The following COL9A3 variants were observed in gnomAD, a reference collection of about 807,000 sequenced individuals.
The protein encoded by COL9A3 is collagen alpha-3(IX) chain.
COL9A3 carries 82 observed loss-of-function variants against 110.2 expected under a neutral mutation model. The observed-to-expected ratio is 0.74, with a 90% CI of 0.62 to 0.89. COL9A3 has a LOEUF of 0.89. Ranked by LOEUF, COL9A3 falls within the 40% of genes least tolerant of loss-of-function variation. The probability of loss-of-function intolerance (pLI) is 0.00; values close to 1 mark genes in which losing one functional copy is unlikely to be tolerated. For synonymous variants in COL9A3, 494 were observed against 403.8 expected (o/e 1.22, Z -2.68); for missense variants, 1,066 against 981.3 (o/e 1.09, Z -1.15).
At chr20:62,832,294 C>A in intron 25 of COL9A3, 105 bp downstream of exon 25, 1 of 1,134,392 alleles carries the variant, frequency 8.8e-7, no homozygotes, top group South Asian at 1.3e-5. Context: ...TTTCGGGACA[C>A]TGAGCCTCCT....
At position 62,840,970 on chromosome 20, in the gene COL9A3, G is replaced by T; in HGVS notation, c.*238G>T. ...TAAGCCCAGCATTTGAGAGAAGGTA[G>T]GGTGTGTATATATAAAAGGTTGTGT... On this transcript the variant is annotated 3_prime_UTR_variant, in exon 32 of 32. Transcript: ENST00000649368. 1.8e-6 allele frequency: 1 copy of T among 549,774 alleles called. No homozygotes were observed. The highest frequency in any genetic ancestry group is 3.3e-6 in the Non-Finnish European group (1 of 303,194). The allele number at this position is 549,774 out of a possible 1,614,324, so 34.1% of individuals were successfully genotyped here. A position where few individuals can be genotyped will look rare whatever the true frequency, so the allele number is the denominator to read the frequency against.
rs746142912 is a variant in COL9A3 at position 62,817,092 on chromosome 20, C to A, written c.28C>A (p.Leu10Ile). MAGPRACAP[L>I]LLLLLLGELL... ...GGCCGGGCCGCGCGCGTGCGCCCCG[C>A]TCCTGCTCCTGCTCCTGCTCGGGGA... Residue 10 changes from leucine (L) to isoleucine (I), a missense_variant, in exon 1 of 32, where the codon CTC becomes ATC. By Grantham distance (5) the Leu-to-Ile change is conservative. Transcript: ENST00000649368. 7.2e-7 allele frequency: 1 copy of A among 1,392,072 alleles called. No homozygotes were observed. Among genetic ancestry groups the A allele is most frequent in the Non-Finnish European group, 9.4e-7 (1 of 1,066,806 alleles). 86.2% of individuals were successfully genotyped at this position (1,392,072 alleles called of 1,614,324 possible).
At chr20:62,829,428 C>T (rs762526783) in intron 19 of COL9A3, 27 bp from the exon 20 acceptor site, 1 of 1,612,416 alleles carries the variant, frequency 6.2e-7, no homozygotes, top group Non-Finnish European at 8.5e-7. Context: ...TAACTGGCAG[C>T]CCTGACCGCA....
chr20:62,821,838 A>T lies in COL9A3; in HGVS notation c.423+28A>T, dbSNP rs753030974. On this transcript the variant is annotated intron_variant, in intron 8 of 31. Coordinates refer to ENST00000649368, the MANE Select transcript of COL9A3 (RefSeq NM_001853.4). Reference sequence around the variant, plus strand: ...GAGTGGCTGTCCCAGAGCCCCTCAGAGTGTGCTCACCTGTGGCCTCCACCC... The same window carrying T: ...GAGTGGCTGTCCCAGAGCCCCTCAGTGTGTGCTCACCTGTGGCCTCCACCC... 6.0e-6 allele frequency: 9 copies of T among 1,509,762 alleles called. No homozygotes were observed. The African/African-American group carries it at 1.1e-4, about 18-fold the overall frequency. 93.5% of individuals were successfully genotyped at this position (1,509,762 alleles called of 1,614,324 possible).
intron 22 of COL9A3, 36 bp from the exon 23 acceptor site, chr20:62,830,324 T>C: frequency 6.4e-7 from 1 of 1,556,784 alleles, no homozygotes; most frequent in Non-Finnish European, 8.7e-7. Flanking sequence ...CCTCGAACCC[T>C]GAGACATCCG....
chr20:62,838,902 A>ATT, intron 31 of COL9A3, 141 bp downstream of exon 31: 1 of 780,352 alleles, frequency 1.3e-6, no homozygotes, highest in East Asian at 2.7e-5. Flanking sequence ...AAGATTAGGA[A>ATT]TTGTCTCAAT....
At chr20:62,826,473 C>T (rs1395041939) in intron 14 of COL9A3, among the ~76,000 whole-genome samples, 3 of 152,174 alleles carry the variant, frequency 2.0e-5, no homozygotes, top group East Asian at 1.9e-4. Flanking sequence ...TGCCCGCACG[C>T]GGTCCCAGGC....
In COL9A3 at chr20:62,836,293, T is replaced by C; in HGVS notation, c.1508T>C (p.Val503Ala). The C allele has an allele frequency of 1.2e-6, 2 of 1,613,876 alleles. No individual in the cohort carries two copies. The highest frequency in any genetic ancestry group is 2.7e-5 in the African/African-American group (2 of 75,070). ...GPPGPLGLQG[V>A]PGVPGITGKP... ...CCCGGTCCTCTGGGCCTGCAGGGCG[T>C]CCCGGGTGTTCCTGGCATCACGGGG... The change falls in exon 28 of 32, where the codon GTC (valine) becomes GCC (alanine). Residue 503 changes from valine to alanine, a missense_variant. Physicochemically the swap from Val to Ala is moderately conservative, Grantham distance 64. Coordinates refer to ENST00000649368, the MANE Select transcript of COL9A3 (RefSeq NM_001853.4).
rs373605761 is a variant in COL9A3, at chr20:62,817,598, C to T, written c.110C>T (p.Pro37Leu). 1.0e-3 allele frequency: 1,571 copies of T among 1,547,366 alleles called. No individual in the cohort carries two copies. The highest frequency in any genetic ancestry group is 1.2e-3 in the South Asian group (103 of 83,886). Residue 37 changes from proline to leucine, a missense_variant, in exon 2 of 32, where the codon CCA becomes CTA. Coordinates refer to ENST00000649368, the MANE Select transcript of COL9A3 (RefSeq NM_001853.4). ...GGACTCCCCGGCCCCCCCGGCCCCC[C>T]AGGGCCGCCCGGGAAGCCCGGCCAG... ...RVGLPGPPGP[P>L]GPPGKPGQDG...
In COL9A3 at chr20:62,829,798, G is replaced by C. The variant is rs1228251574; in HGVS notation, c.1140G>C (p.Glu380Asp). ...GDAGMPGERG[E>D]AGHRGSAGAL... ...CTGGCATGCCTGGGGAGCGCGGTGA[G>C]GCTGGCCACCGGGGCTCAGCGGTGA... Residue 380 changes from glutamate to aspartate, a missense_variant, in exon 22 of 32, where the codon GAG becomes GAC. Glu to Asp is a conservative substitution (Grantham distance 45). Coordinates refer to ENST00000649368, the MANE Select transcript of COL9A3 (RefSeq NM_001853.4). 5.7e-6 allele frequency: 9 copies of C among 1,582,130 alleles called. No homozygotes were observed. The highest frequency in any genetic ancestry group is 7.7e-6 in the Non-Finnish European group (9 of 1,164,634).
intron 10 of COL9A3, among the ~76,000 whole-genome samples, chr20:62,823,968 G>A (rs984637849): frequency 9.2e-5 from 14 of 151,512 alleles, no homozygotes; most frequent in Admixed American, 3.9e-4. Context: ...TCACCTGTAC[G>A]GAGTGGCCTC....
At chr20:62,824,535 C>T in intron 11 of COL9A3, 34 bp downstream of exon 11, 3 of 1,561,086 alleles carry the variant, frequency 1.9e-6, no homozygotes, top group Non-Finnish European at 1.7e-6. Context: ...CAAGCACCAC[C>T]CTGTGCTGGG....
intron 14 of COL9A3, 134 bp from the exon 15 acceptor site, chr20:62,826,633 G>A (rs2147210368): frequency 1.1e-6 from 1 of 899,378 alleles, no homozygotes; most frequent in Non-Finnish European, 1.8e-6. Context: ...ACTACTAGGT[G>A]GCATCTTGGG....
intron 5 of COL9A3, 36 bp from the exon 6 acceptor site, chr20:62,821,145 C>A: frequency 6.2e-7 from 1 of 1,609,742 alleles, no homozygotes; most frequent in Non-Finnish European, 8.5e-7. Context: ...CAAATAGAGG[C>A]CCAGCCCAAC....
chr20:62,838,054 C>A (rs1415677969), intron 30 of COL9A3, among the ~76,000 whole-genome samples: 1 of 152,214 alleles, frequency 6.6e-6, no homozygotes, highest in East Asian at 1.9e-4. Context: ...GGTGGAAAAT[C>A]ATTTAAAACA....
chr20:62,838,690 A>G lies in COL9A3; in HGVS notation c.1793A>G (p.Gln598Arg), dbSNP rs201009783. 3.2e-6 allele frequency: 5 copies of G among 1,552,622 alleles called. No homozygotes were observed. The African/African-American group carries it at 6.8e-5, about 21-fold the overall frequency. Residue 598 changes from glutamine (Q) to arginine (R), a missense_variant, in exon 31 of 32, where the codon CAG becomes CGG. Transcript: ENST00000649368. ...TGTCCACACCTCGTGACAGGAAACCAGGGTGACAGAGGAGACAAAGGCGCG... is the reference window on the plus strand; with the variant it reads ...TGTCCACACCTCGTGACAGGAAACCGGGGTGACAGAGGAGACAAAGGCGCG... Reference protein sequence around the residue: ...ELGDPGPRGNQGDRGDKGAAG... With the variant: ...ELGDPGPRGNRGDRGDKGAAG...
At position 62,840,933 on chromosome 20, in the gene COL9A3, C is replaced by T; in HGVS notation, c.*201C>T. ...GACAGCATACCTCAAAAGGCCCTAG[C>T]TAATAAACCTGTAAGCCCAGCATTT... On this transcript the variant is annotated 3_prime_UTR_variant, in exon 32 of 32. Coordinates refer to ENST00000649368, the MANE Select transcript of COL9A3 (RefSeq NM_001853.4). 1 of 604,468 alleles carries T rather than the reference C, an allele frequency of 1.7e-6. No homozygotes were observed. Among genetic ancestry groups the T allele is most frequent in the Non-Finnish European group, 3.0e-6 (1 of 334,976 alleles). 37.4% of individuals were successfully genotyped at this position (604,468 alleles called of 1,614,324 possible).
rs377228853 is a variant in COL9A3 at position 62,821,569 on chromosome 20, C to A, written c.369+39C>A. 6 of 1,612,504 alleles carry A rather than the reference C, an allele frequency of 3.7e-6. No homozygotes were observed. The South Asian group carries it at 5.5e-5, about 15-fold the overall frequency. The stretch of plus-strand genomic sequence containing the variant: ...ACCCTTGGGGCCCTGAGCAAGCACG[C>A]AAGTCCCGAGAGCCTGCCAGGCTGG... On this transcript the variant is annotated intron_variant, in intron 7 of 31. Coordinates refer to ENST00000649368, the MANE Select transcript of COL9A3 (RefSeq NM_001853.4).
At chr20:62,817,862 G>A (rs921432304) in intron 2 of COL9A3, 4 of 664,520 alleles carry the variant, frequency 6.0e-6, no homozygotes, top group African/African-American at 3.6e-5. Flanking sequence ...CAGAATGCCG[G>A]CACTGAGGTG....
Sources: allele counts gnomAD v4.1 joint callset (sites outside exome capture counted in the v4.1 genomes callset), GRCh38; gene constraint gnomAD v4.1.1; transcripts MANE v1.5; gene names NCBI Gene and HGNC (gene_info 2026-07-23, HGNC 2026-07-21).